DIAPH2: variants seen among roughly 807,000 people sequenced by gnomAD.
DIAPH2 encodes protein diaphanous homolog 2.
In DIAPH2, 35 loss-of-function variants were observed where a neutral mutation model predicts 92.7. The observed-to-expected ratio is 0.38, with a 90% confidence interval of 0.29 to 0.50. DIAPH2 has a LOEUF of 0.50. Ranked by LOEUF, DIAPH2 falls within the 20% of genes least tolerant of loss-of-function variation. The pLI, the probability that DIAPH2 is intolerant of heterozygous loss-of-function variation, is 0.94. For synonymous variants in DIAPH2, 301 were observed against 280.4 expected, an observed-to-expected ratio of 1.07 and a Z score of -0.73; for missense variants, 701 against 819.5, an observed-to-expected ratio of 0.86 and a Z score of 1.77.
intron 26 of DIAPH2, chrX:97,564,562 G>A (rs955307317): frequency 7.2e-5 from 8 of 111,766 alleles, no homozygotes; most frequent in African/African-American, 2.6e-4. Flanking sequence ...GGCCTCTTTT[G>A]TAAGGGCATT....
intron 5 of DIAPH2, chrX:96,885,400 T>G (rs773250379): frequency 2.6e-5 from 4 of 151,642 alleles, no homozygotes; most frequent in Non-Finnish European, 5.2e-5. Context: ...TGTTGGAGCT[T>G]CTTTTTCCAA....
intron 26 of DIAPH2, among the ~76,000 whole-genome samples, chrX:97,520,214 G>A (rs1018642271): frequency 8.9e-6 from 1 of 112,187 alleles, no homozygotes; most frequent in Non-Finnish European, 1.9e-5. Flanking sequence ...GATTTTTGAT[G>A]TATGTACAGG....
At chrX:96,697,244 A>C (rs762539136) in intron 1 of DIAPH2, among the ~76,000 whole-genome samples, 2 of 109,512 alleles carry the variant, frequency 1.8e-5, no homozygotes, top group East Asian at 5.8e-4. Flanking sequence ...CTCCTTCATC[A>C]GTTTTAACTA....
At chrX:96,709,564 T>G (rs932995350) in intron 1 of DIAPH2, among the ~76,000 whole-genome samples, 9 of 112,009 alleles carry the variant, frequency 8.0e-5, no homozygotes, top group African/African-American at 2.6e-4. Flanking sequence ...AGGAAGATGC[T>G]CTGATGTAGC....
At chrX:96,826,855 A>G (rs1053118693) in intron 4 of DIAPH2, among the ~76,000 whole-genome samples, 2 of 112,240 alleles carry the variant, frequency 1.8e-5, no homozygotes, top group Non-Finnish European at 3.8e-5. Flanking sequence ...CCAAGTAGCT[A>G]GGACTATAGG....
Position 96,912,323 on chromosome X carries a change from C to T in DIAPH2, c.588-5C>T. 8.4e-7 allele frequency: 1 copy of T among 1,187,396 alleles called. No homozygotes were observed. The highest frequency in any genetic ancestry group is 2.2e-5 in the Admixed American group (1 of 44,568). On this transcript the variant is annotated splice_polypyrimidine_tract_variant and splice_region_variant and intron_variant, in intron 5 of 26. Transcript: ENST00000324765. ...TATACATCTAATTTTTTGTTTATTT[C>T]TCAGCTGGGTTAACAACTTTGGCCA... is the stretch of plus-strand genomic sequence containing the variant.
Position 97,045,078 on chromosome X carries a change from A to G in DIAPH2, c.2051-27863A>G, listed in dbSNP as rs1400662238. On this transcript the variant is annotated intron_variant, in intron 17 of 26. Coordinates refer to ENST00000324765, the MANE Select transcript of DIAPH2 (RefSeq NM_006729.5). ...TCCCTCACTAGCCCACTCTTTCTCA[A>G]TTTGCTTTGTTCACTGCTTTAATTG... Among the ~76,000 whole-genome samples the G allele has an allele frequency of 6.3e-5, 7 of 111,980 alleles. No homozygotes were observed. The South Asian group carries it at 1.5e-3, about 24-fold the overall frequency.
At chrX:97,456,733 A>G (rs2070409335) in intron 26 of DIAPH2, among the ~76,000 whole-genome samples, 1 of 111,405 alleles carries the variant, frequency 9.0e-6, no homozygotes, top group African/African-American at 3.3e-5. Flanking sequence ...TACAAAATAC[A>G]ATAATATAAA....
chrX:97,589,027 A>ATATATATATATATATATATATAT (rs748240865), intron 26 of DIAPH2, among the ~76,000 whole-genome samples: 23 of 85,090 alleles, frequency 2.7e-4, no homozygotes, highest in East Asian at 8.1e-4. Context: ...ATATATATAT[A>ATATATATATATATATATATATAT]AAAGAATCAG....
At chrX:97,389,261 G>A (rs1442220214) in intron 25 of DIAPH2, among the ~76,000 whole-genome samples, 8 of 109,334 alleles carry the variant, frequency 7.3e-5, no homozygotes, top group Admixed American at 2.9e-4. Context: ...GAGGTCAGGA[G>A]TTCAAGACCA....
intron 4 of DIAPH2, among the ~76,000 whole-genome samples, chrX:96,765,258 C>T (rs2147607204): frequency 9.9e-6 from 1 of 101,194 alleles, no homozygotes; most frequent in South Asian, 4.7e-4. Flanking sequence ...AGTGCAGTGG[C>T]ATGATCTTGG....
chrX:97,203,317 G>C (rs1286199455), intron 22 of DIAPH2, among the ~76,000 whole-genome samples: 1 of 108,930 alleles, frequency 9.2e-6, no homozygotes, highest in Non-Finnish European at 1.9e-5. Flanking sequence ...AAATAACTAA[G>C]ATGAGAGCAG....
intron 4 of DIAPH2, among the ~76,000 whole-genome samples, chrX:96,815,616 C>CTGGGA (rs966693776): frequency 1.8e-5 from 2 of 111,973 alleles, no homozygotes; most frequent in African/African-American, 6.5e-5. Context: ...GTCGATCATG[C>CTGGGA]TGGGAGCTGC....
At chrX:97,545,041 T>A (rs1169951637) in intron 26 of DIAPH2, among the ~76,000 whole-genome samples, 2 of 110,558 alleles carry the variant, frequency 1.8e-5, no homozygotes, top group African/African-American at 6.6e-5. Context: ...CCAGTAGATC[T>A]TTTCTGTGTA....
chrX:97,236,539 A>T (rs1419559695), intron 22 of DIAPH2, among the ~76,000 whole-genome samples: 3 of 98,857 alleles, frequency 3.0e-5, no homozygotes, highest in African/African-American at 7.4e-5. Context: ...TTTTTTTTTC[A>T]TTTTCATTTT....
At chrX:97,229,818 T>C (rs2067994587) in intron 22 of DIAPH2, among the ~76,000 whole-genome samples, 2 of 73,777 alleles carry the variant, frequency 2.7e-5, no homozygotes, top group Non-Finnish European at 6.5e-5. Context: ...ATTGTTATTA[T>C]ATATAATAAC....
intron 24 of DIAPH2, among the ~76,000 whole-genome samples, chrX:97,349,066 G>A (rs868852098): frequency 2.2e-4 from 21 of 96,224 alleles, no homozygotes; most frequent in African/African-American, 8.1e-4. Context: ...ATATGTGTGT[G>A]TATATATATA....
chrX:97,457,210 G>A lies in DIAPH2; in HGVS notation c.3241+27465G>A, dbSNP rs764746756. Reference sequence around the variant, plus strand: ...TAATTATTGTGTTTTTAGTAGAGACGGGGTTTCACCATGTTGGCCAGGCTG... The same window carrying A: ...TAATTATTGTGTTTTTAGTAGAGACAGGGTTTCACCATGTTGGCCAGGCTG... On this transcript the variant is annotated intron_variant, in intron 26 of 26. Transcript: ENST00000324765. Among the ~76,000 whole-genome samples the A allele has an allele frequency of 5.4e-5, 6 of 111,205 alleles. No individual in the cohort carries two copies. The South Asian group carries it at 2.3e-3, about 43-fold the overall frequency.
intron 22 of DIAPH2, among the ~76,000 whole-genome samples, chrX:97,185,922 G>C (rs140239222): frequency 9.0e-6 from 1 of 110,695 alleles, no homozygotes; most frequent in Non-Finnish European, 1.9e-5. Flanking sequence ...ATTGATGACA[G>C]TTTTTTAGCT....
Sources: allele counts gnomAD v4.1 joint callset (sites outside exome capture counted in the v4.1 genomes callset), GRCh38; gene constraint gnomAD v4.1.1; transcripts MANE v1.5; gene names NCBI Gene and HGNC (gene_info 2026-07-23, HGNC 2026-07-21).